ADAM9: variants seen among roughly 807,000 people sequenced by gnomAD.
ADAM9 encodes disintegrin and metalloproteinase domain-containing protein 9.
In ADAM9, 54 loss-of-function variants were observed where a neutral mutation model predicts 108.1. The observed-to-expected ratio is 0.50, with a 90% CI of 0.40 to 0.63. The LOEUF (loss-of-function observed/expected upper bound fraction) is 0.63, where lower values mean the gene tolerates loss of function less well. Among genes scored for constraint, ADAM9 ranks in the 20% least tolerant of loss-of-function variants. The pLI is 0.00. For synonymous variants in ADAM9, 316 were observed against 336.0 expected, an observed-to-expected ratio of 0.94 and a Z score of 0.65; for missense variants, 830 against 997.7, an observed-to-expected ratio of 0.83 and a Z score of 2.26.
intron 11 of ADAM9, among the ~76,000 whole-genome samples, chr8:39,031,321 T>C (rs1195830346): frequency 1.3e-5 from 2 of 152,240 alleles, no homozygotes; most frequent in Admixed American, 1.3e-4. Flanking sequence ...GAAAAGATTA[T>C]CTTTTATTGT....
chr8:39,050,144 G>A (rs1837909934), intron 12 of ADAM9, among the ~76,000 whole-genome samples: 1 of 152,238 alleles, frequency 6.6e-6, no homozygotes, highest in Admixed American at 6.5e-5. Context: ...CCTGATGGGG[G>A]TTCCCTTGTA....
intron 14 of ADAM9, among the ~76,000 whole-genome samples, chr8:39,064,816 T>C (rs1318509462): frequency 6.6e-6 from 1 of 152,204 alleles, no homozygotes; most frequent in Non-Finnish European, 1.5e-5. Flanking sequence ...AATACTTGAT[T>C]GATGGGGATG....
At chr8:39,067,857 T>C (rs1838536410) in intron 14 of ADAM9, among the ~76,000 whole-genome samples, 1 of 152,216 alleles carries the variant, frequency 6.6e-6, no homozygotes, top group Non-Finnish European at 1.5e-5. Context: ...TTTTTGCCCA[T>C]TCAGTATGAT....
chr8:39,030,248 C>G (rs1222292941), intron 11 of ADAM9, among the ~76,000 whole-genome samples: 3 of 152,086 alleles, frequency 2.0e-5, no homozygotes, highest in Non-Finnish European at 4.4e-5. Context: ...TGTGCTCCAC[C>G]TAGTCATCTC....
At chr8:39,091,184 A>G (rs534350179) in intron 19 of ADAM9, 75 bp from the exon 20 acceptor site, 104 of 1,403,282 alleles carry the variant, frequency 7.4e-5, no homozygotes, top group Non-Finnish European at 8.6e-5. Context: ...ATTTGGGAAA[A>G]TGCAAAATGT....
At chr8:39,089,473 C>G (rs949384727) in intron 18 of ADAM9, among the ~76,000 whole-genome samples, 1 of 152,150 alleles carries the variant, frequency 6.6e-6, no homozygotes, top group African/African-American at 2.4e-5. Context: ...GATGAATGCA[C>G]TTATTTATTG....
At chr8:39,051,740 G>A (rs1837964001) in intron 12 of ADAM9, among the ~76,000 whole-genome samples, 1 of 151,890 alleles carries the variant, frequency 6.6e-6, no homozygotes, top group South Asian at 2.1e-4. Flanking sequence ...TTTCTATTAC[G>A]ATATCCTGGA....
At chr8:39,026,541 T>A in intron 10 of ADAM9, 136 bp from the exon 11 acceptor site, 1 of 1,064,518 alleles carries the variant, frequency 9.4e-7, no homozygotes. Flanking sequence ...ATAAAGACTG[T>A]TGTTGGATGC....
intron 1 of ADAM9, among the ~76,000 whole-genome samples, chr8:39,004,148 A>C (rs1836088144): frequency 6.6e-6 from 1 of 151,268 alleles, no homozygotes; most frequent in Non-Finnish European, 1.5e-5. Context: ...TAACGAAAAA[A>C]CTTCAGTTTG....
chr8:39,081,310 A>G (rs1044809010), intron 16 of ADAM9, among the ~76,000 whole-genome samples: 6 of 152,140 alleles, frequency 3.9e-5, no homozygotes, highest in Admixed American at 6.5e-5. Context: ...CCACAAGGTA[A>G]ACACTGCCAA....
At chr8:39,011,624 G>A in intron 2 of ADAM9, 34 bp from the exon 3 acceptor site, 1 of 1,569,004 alleles carries the variant, frequency 6.4e-7, no homozygotes, top group South Asian at 1.1e-5. Flanking sequence ...TTTTTAAGAT[G>A]ATGTTTTATT....
Position 39,079,865 on chromosome 8 carries a change from G to A in ADAM9, c.1881+2454G>A, listed in dbSNP as rs554682631. 2.4e-3 allele frequency among the ~76,000 whole-genome samples: 360 copies of A among 152,288 alleles called. 1 individual carries two copies. Among genetic ancestry groups the A allele is most frequent in the Non-Finnish European group, 2.2e-3 (153 of 68,020 alleles). On this transcript the variant is annotated intron_variant, in intron 16 of 21. Transcript: ENST00000487273. ...CTCCAAAAGTGTTGGGATTACAGGC[G>A]TGAGCCATGGCATCCGGCCTTAAAA...
chr8:39,055,537 A>G, intron 13 of ADAM9, 40 bp from the exon 14 acceptor site: 1 of 1,589,810 alleles, frequency 6.3e-7, no homozygotes, highest in Non-Finnish European at 8.6e-7. Flanking sequence ...TGTGGACATT[A>G]TCCTGATATT....
rs1386989920 is a variant in ADAM9 at position 39,023,331 on chromosome 8, TA to T, written c.914+7del. 5 of 1,606,132 alleles carry T rather than the reference TA, an allele frequency of 3.1e-6. No individual in the cohort carries two copies. The highest frequency in any genetic ancestry group is 4.2e-6 in the Non-Finnish European group (5 of 1,176,968). ...GACAGTGCACAGCTAGTTCTGTAAG[TA>T]TTTTTTTTTTAAGTACTATTAATGA... is the stretch of plus-strand genomic sequence containing the variant. On this transcript the variant is annotated splice_region_variant and intron_variant, in intron 9 of 21. Coordinates refer to ENST00000487273, the MANE Select transcript of ADAM9 (RefSeq NM_003816.3).
At chr8:39,032,275 G>A (rs1837120896) in intron 11 of ADAM9, among the ~76,000 whole-genome samples, 3 of 152,390 alleles carry the variant, frequency 2.0e-5, no homozygotes, top group Admixed American at 6.5e-5. Flanking sequence ...CCTGCCCCAA[G>A]AGGTGGGATC....
intron 14 of ADAM9, among the ~76,000 whole-genome samples, chr8:39,057,559 A>G (rs1250542851): frequency 6.6e-6 from 1 of 152,108 alleles, no homozygotes; most frequent in Non-Finnish European, 1.5e-5. Flanking sequence ...GAGACCCTGT[A>G]GAGCTGATGG....
intron 7 of ADAM9, among the ~76,000 whole-genome samples, chr8:39,019,684 A>G (rs942483310): frequency 2.6e-5 from 4 of 152,224 alleles, no homozygotes; most frequent in African/African-American, 9.6e-5. Flanking sequence ...TGAAAAAGTT[A>G]TTTGTGGAAA....
At chr8:39,009,895 T>TTG (rs1836288714) in intron 2 of ADAM9, among the ~76,000 whole-genome samples, 1 of 81,762 alleles carries the variant, frequency 1.2e-5, no homozygotes, top group African/African-American at 5.0e-5. Context: ...ATTCTAGTGA[T>TTG]GGGGGGGGGG....
At chr8:39,089,691 G>A (rs998244101) in intron 18 of ADAM9, 1 of 258,834 alleles carries the variant, frequency 3.9e-6, no homozygotes, top group East Asian at 9.1e-5. Flanking sequence ...TATGGAAAAC[G>A]AGGAGGTCCA....
Sources: gnomAD v4.1 joint callset for allele counts (sites outside exome capture counted in the v4.1 genomes callset) on GRCh38, gnomAD v4.1.1 for gene constraint, MANE v1.5 for transcripts, NCBI Gene and HGNC (gene_info 2026-07-23, HGNC 2026-07-21) for gene names.